The following DACH2 variants were observed in gnomAD, a reference collection of about 807,000 sequenced individuals.
DACH2 encodes dachshund homolog 2.
Under a neutral mutation model 35.8 loss-of-function variants are expected in DACH2, and 17 were observed. The ratio of observed to expected loss-of-function variants is 0.48; its 90% confidence interval spans 0.33 to 0.71. The LOEUF is 0.71. Ranked by LOEUF, DACH2 falls within the 30% of genes least tolerant of loss-of-function variation. DACH2 has a pLI of 0.02. For missense variants in DACH2, 469 were observed against 472.7 expected (o/e 0.99, Z 0.07); for synonymous variants, 195 against 177.3 (o/e 1.10, Z -0.79).
chrX:86,170,267 C>T (rs1052602306), intron 1 of DACH2, among the ~76,000 whole-genome samples: 3 of 111,743 alleles, frequency 2.7e-5, no homozygotes, highest in Non-Finnish European at 3.8e-5. Flanking sequence ...TTGCCACTAC[C>T]GCTATGACTG....
chrX:86,542,433 G>A (rs751285902), intron 3 of DACH2, among the ~76,000 whole-genome samples: 3 of 111,062 alleles, frequency 2.7e-5, no homozygotes, highest in Admixed American at 9.6e-5. Context: ...AACAATGGTT[G>A]TTATAATGTC....
At chrX:86,342,071 T>A (rs1458590040) in intron 1 of DACH2, among the ~76,000 whole-genome samples, 1 of 111,830 alleles carries the variant, frequency 8.9e-6, no homozygotes, top group Non-Finnish European at 1.9e-5. Flanking sequence ...AGTGGTAGCA[T>A]TTGAGAGGAC....
chrX:86,643,618 G>A (rs529610573), intron 3 of DACH2, among the ~76,000 whole-genome samples: 5 of 111,019 alleles, frequency 4.5e-5, no homozygotes, highest in East Asian at 5.7e-4. Flanking sequence ...CTAAGAGACC[G>A]TCATCATCCT....
At chrX:86,397,272 A>C (rs1569377491) in intron 2 of DACH2, among the ~76,000 whole-genome samples, 1 of 111,897 alleles carries the variant, frequency 8.9e-6, no homozygotes, top group South Asian at 3.8e-4. Flanking sequence ...GTTGCTTATC[A>C]GCTTAAGGAG....
At position 86,633,540 on chromosome X, in the gene DACH2, T is replaced by G. The variant is rs1188481229; in HGVS notation, c.641-17496T>G. On this transcript the variant is annotated intron_variant, in intron 3 of 11. Coordinates refer to ENST00000373125, the MANE Select transcript of DACH2 (RefSeq NM_053281.3). ...TTCTACCAGACATGCATAGAAGAAC[T>G]GGTACCAATCCTCCTAAAACTCTTT... is the stretch of plus-strand genomic sequence containing the variant. Among the ~76,000 whole-genome samples, 2 of 111,527 alleles carry G rather than the reference T, an allele frequency of 1.8e-5. 1 individual carries two copies. The highest frequency in any genetic ancestry group is 3.8e-5 in the Non-Finnish European group (2 of 53,113).
intron 7 of DACH2, among the ~76,000 whole-genome samples, chrX:86,789,747 A>G (rs1310954670): frequency 1.8e-5 from 2 of 111,967 alleles, no homozygotes; most frequent in African/African-American, 3.2e-5. Flanking sequence ...GTTAAACACT[A>G]TACATTTGTG....
At chrX:86,386,734 T>TC (rs1043275423) in intron 2 of DACH2, among the ~76,000 whole-genome samples, 3 of 111,520 alleles carry the variant, frequency 2.7e-5, no homozygotes, top group African/African-American at 9.8e-5. Flanking sequence ...GTGGATTTTT[T>TC]CATACACTTC....
Position 86,735,552 on chromosome X carries a change from T to A in DACH2, c.1105-4195T>A, listed in dbSNP as rs778405313. On this transcript the variant is annotated intron_variant, in intron 6 of 11. Transcript: ENST00000373125. ...AATAGCATTTTCCGTAACAACTTATTCTTTTTAGGCAAAGTCCTTGAACTA... is the reference window on the plus strand; with the variant it reads ...AATAGCATTTTCCGTAACAACTTATACTTTTTAGGCAAAGTCCTTGAACTA... Among the ~76,000 whole-genome samples, 5 of 111,912 alleles carry A rather than the reference T, an allele frequency of 4.5e-5. No homozygotes were observed. The East Asian group carries it at 1.4e-3, about 32-fold the overall frequency.
In DACH2 at chrX:86,148,873, G is replaced by C. The variant is rs762053957; in HGVS notation, c.253G>C (p.Gly85Arg). The C allele has an allele frequency of 3.3e-6, 4 of 1,211,465 alleles. No individual in the cohort carries two copies. The highest frequency in any genetic ancestry group is 4.5e-6 in the Non-Finnish European group (4 of 895,476). Residue 85 changes from glycine (G) to arginine (R), a missense_variant, in exon 1 of 12, where the codon GGC becomes CGC. By Grantham distance (125) the Gly-to-Arg change is moderately radical. Coordinates refer to ENST00000373125, the MANE Select transcript of DACH2 (RefSeq NM_053281.3). ...GAAGGTGGCTTCGTTCCTGATGGACGGCCAGGAACTGATCTGCCTGCCGCA... is the reference window on the plus strand; with the variant it reads ...GAAGGTGGCTTCGTTCCTGATGGACCGCCAGGAACTGATCTGCCTGCCGCA... ...GMKVASFLMD[G>R]QELICLPQVF...
chrX:86,568,637 A>G (rs1306709545), intron 3 of DACH2, among the ~76,000 whole-genome samples: 1 of 111,276 alleles, frequency 9.0e-6, no homozygotes, highest in Non-Finnish European at 1.9e-5. Context: ...TATAGATTAT[A>G]TGGATGAAAA....
At chrX:86,542,116 C>G (rs769889785) in intron 3 of DACH2, among the ~76,000 whole-genome samples, 1 of 111,395 alleles carries the variant, frequency 9.0e-6, no homozygotes, top group South Asian at 3.8e-4. Flanking sequence ...CTTTTATGGT[C>G]TGCTTTTTAT....
intron 1 of DACH2, among the ~76,000 whole-genome samples, chrX:86,181,210 A>G (rs903158551): frequency 9.2e-6 from 1 of 108,716 alleles, no homozygotes; most frequent in Non-Finnish European, 1.9e-5. Flanking sequence ...TTATACTTTA[A>G]GTTCTGGGAT....
At chrX:86,660,858 C>A (rs1368860282) in intron 4 of DACH2, among the ~76,000 whole-genome samples, 2 of 111,187 alleles carry the variant, frequency 1.8e-5, no homozygotes, top group African/African-American at 6.5e-5. Context: ...GTTTAATAAG[C>A]ATATAGTTTC....
At chrX:86,819,342 G>A (rs1037542964) in intron 11 of DACH2, among the ~76,000 whole-genome samples, 4 of 110,460 alleles carry the variant, frequency 3.6e-5, no homozygotes, top group Non-Finnish European at 7.6e-5. Flanking sequence ...TAACTCAGTT[G>A]AGGGCCTGCA....
At chrX:86,563,165 G>A (rs746667642) in intron 3 of DACH2, among the ~76,000 whole-genome samples, 19 of 108,435 alleles carry the variant, frequency 1.8e-4, no homozygotes, top group Non-Finnish European at 2.9e-4. Flanking sequence ...CACTTTATAA[G>A]TATGGTATGG....
At chrX:86,389,984 G>A (rs1213717462) in intron 2 of DACH2, among the ~76,000 whole-genome samples, 1 of 112,011 alleles carries the variant, frequency 8.9e-6, no homozygotes, top group African/African-American at 3.2e-5. Flanking sequence ...TGATTTATAA[G>A]ATGACACCAT....
At chrX:86,574,713 G>T (rs2039414862) in intron 3 of DACH2, among the ~76,000 whole-genome samples, 1 of 111,561 alleles carries the variant, frequency 9.0e-6, no homozygotes, top group Non-Finnish European at 1.9e-5. Context: ...TTAAATAGGA[G>T]TTTCAAAGCA....
chrX:86,297,513 C>A (rs1236049566), intron 1 of DACH2, among the ~76,000 whole-genome samples: 2 of 111,599 alleles, frequency 1.8e-5, no homozygotes, highest in South Asian at 3.7e-4. Flanking sequence ...CAAATGAAAT[C>A]TCTTCCTGAC....
chrX:86,580,749 C>G lies in DACH2; in HGVS notation c.640+66358C>G, dbSNP rs778858241. Among the ~76,000 whole-genome samples, 153 of 111,733 alleles carry G rather than the reference C, an allele frequency of 1.4e-3. 1 individual carries two copies. The highest frequency in any genetic ancestry group is 4.8e-3 in the African/African-American group (148 of 30,838). ...GAAATAAGGGATTATGTGAAGAGTACAAATCTAGCACTCATTAGTGCCCCT... is the reference window on the plus strand; with the variant it reads ...GAAATAAGGGATTATGTGAAGAGTAGAAATCTAGCACTCATTAGTGCCCCT... On this transcript the variant is annotated intron_variant, in intron 3 of 11. Coordinates refer to ENST00000373125, the MANE Select transcript of DACH2 (RefSeq NM_053281.3).
Sources: allele counts gnomAD v4.1 joint callset (sites outside exome capture counted in the v4.1 genomes callset), GRCh38; gene constraint gnomAD v4.1.1; transcripts MANE v1.5; gene names NCBI Gene and HGNC (gene_info 2026-07-23, HGNC 2026-07-21).